KIF2A: variants seen among roughly 807,000 people sequenced by gnomAD.
KIF2A encodes the protein kinesin-like protein KIF2A.
A neutral mutation model predicts 100.2 loss-of-function variants in KIF2A; 22 were observed. That is an observed-to-expected ratio of 0.22 (90% CI 0.16 to 0.31). The LOEUF (loss-of-function observed/expected upper bound fraction) is 0.31, where lower values mean the gene tolerates loss of function less well. KIF2A is among the 10% of genes least tolerant of loss of function. KIF2A has a pLI of 1.00. For synonymous variants in KIF2A, 268 were observed against 285.9 expected, an observed-to-expected ratio of 0.94 and a Z score of 0.63; for missense variants, 495 against 898.7, an observed-to-expected ratio of 0.55 and a Z score of 5.74.
In KIF2A at chr5:62,306,348, T is replaced by C. The variant is rs1442961821; in HGVS notation, c.-125T>C. On this transcript the variant is annotated 5_prime_UTR_variant, in exon 1 of 21. Coordinates refer to ENST00000407818, the MANE Select transcript of KIF2A (RefSeq NM_001098511.3). ...CTTGCGGCCCCGCTTGCGTTCACGC[T>C]GTCGCCCGGGCCGGCGCGGCCGCGG... 14 of 756,430 alleles carry C rather than the reference T, an allele frequency of 1.9e-5. No homozygotes were observed. Among genetic ancestry groups the C allele is most frequent in the South Asian group, 5.2e-5 (3 of 58,038 alleles). 46.9% of individuals were successfully genotyped at this position (756,430 alleles called of 1,614,324 possible). A position where few individuals can be genotyped will look rare whatever the true frequency, so the allele number is the denominator to read the frequency against.
At chr5:62,382,634 G>GTT (rs35714674) in intron 20 of KIF2A, among the ~76,000 whole-genome samples, 2,158 of 134,760 alleles carry the variant, frequency 0.016, 59 homozygotes, top group African/African-American at 0.05. Flanking sequence ...CAGGTTTCAG[G>GTT]TTTTTTTTTT....
intron 3 of KIF2A, among the ~76,000 whole-genome samples, chr5:62,349,212 C>G (rs1175186012): frequency 1.3e-5 from 2 of 150,762 alleles, no homozygotes; most frequent in Non-Finnish European, 3.0e-5. Flanking sequence ...ATTAGAATTA[C>G]CTGGAATAGA....
In KIF2A at chr5:62,317,141, C is replaced by T. The variant is rs917121770; in HGVS notation, c.64+10605C>T. On this transcript the variant is annotated intron_variant, in intron 1 of 20. Transcript: ENST00000407818. Reference sequence around the variant, plus strand: ...TCGGCTCACTGCAACCTCTGCCTCCCGAGTTCAAGCAATTCTCTTGCCTCA... The same window carrying T: ...TCGGCTCACTGCAACCTCTGCCTCCTGAGTTCAAGCAATTCTCTTGCCTCA... Among the ~76,000 whole-genome samples the T allele has an allele frequency of 4.6e-5, 7 of 152,088 alleles. No homozygotes were observed. In the South Asian group the frequency reaches 6.2e-4, roughly 14 times the overall value.
intron 16 of KIF2A, among the ~76,000 whole-genome samples, chr5:62,367,255 TTTTTTTG>T (rs1741117046): frequency 6.6e-6 from 1 of 151,958 alleles, no homozygotes; most frequent in African/African-American, 2.4e-5. Context: ...TTTCTGGTGT[TTTTTTTG>T]TTTTTTGTTT....
intron 1 of KIF2A, among the ~76,000 whole-genome samples, chr5:62,315,249 C>CAAAAAAAAAAAAAAAAAAAAAAAAAA (rs765995590): frequency 1.5e-5 from 1 of 66,542 alleles, no homozygotes; most frequent in Non-Finnish European, 2.9e-5. Flanking sequence ...AAAAACAGAC[C>CAAAAAAAAAAAAAAAAAAAAAAAAAA]AAAAAAAAAA....
At chr5:62,377,999 G>GT (rs1741619211) in intron 19 of KIF2A, among the ~76,000 whole-genome samples, 1 of 152,146 alleles carries the variant, frequency 6.6e-6, no homozygotes, top group Non-Finnish European at 1.5e-5. Context: ...CCCCTTATTG[G>GT]TTTTTGTCAT....
intron 18 of KIF2A, among the ~76,000 whole-genome samples, chr5:62,375,515 T>G (rs1741499326): frequency 6.6e-6 from 1 of 152,244 alleles, no homozygotes; most frequent in Non-Finnish European, 1.5e-5. Flanking sequence ...GATTGAAATT[T>G]AGATCTTATT....
rs561291484 is a variant in KIF2A at position 62,373,875 on chromosome 5, T to A, written c.1911+38T>A. ...TGGTTGTAAATGTTATAATCTTAGT[T>A]CATTTCATCAGTAGCAGAACTTAAC... On this transcript the variant is annotated intron_variant, in intron 18 of 20. Transcript: ENST00000407818. The A allele has an allele frequency of 4.7e-6, 7 of 1,482,662 alleles. No homozygotes were observed. The African/African-American group carries it at 9.7e-5, about 21-fold the overall frequency. The allele number at this position is 1,482,662 out of a possible 1,614,324, so 91.8% of individuals were successfully genotyped here.
chr5:62,372,242 C>T (rs568926615), intron 16 of KIF2A, among the ~76,000 whole-genome samples, 196 bp from the exon 17 acceptor site: 31 of 152,222 alleles, frequency 2.0e-4, no homozygotes, highest in African/African-American at 7.5e-4. Context: ...GACTATAGAG[C>T]AGGGGATCAA....
intron 20 of KIF2A, among the ~76,000 whole-genome samples, chr5:62,383,486 G>A (rs1025092730): frequency 2.7e-5 from 4 of 147,868 alleles, no homozygotes; most frequent in African/African-American, 5.0e-5. Flanking sequence ...CTTGTGATCC[G>A]CCCATCTCGG....
chr5:62,349,258 T>A (rs997462857), intron 3 of KIF2A, among the ~76,000 whole-genome samples: 2 of 151,326 alleles, frequency 1.3e-5, no homozygotes, highest in Non-Finnish European at 3.0e-5. Flanking sequence ...ATATTTATTT[T>A]AAAAATAAGG....
chr5:62,359,595 A>T (rs1302924586), intron 9 of KIF2A, among the ~76,000 whole-genome samples: 1 of 151,972 alleles, frequency 6.6e-6, no homozygotes, highest in Non-Finnish European at 1.5e-5. Flanking sequence ...TTTCCTTTTC[A>T]TTCCCTCTTT....
intron 18 of KIF2A, among the ~76,000 whole-genome samples, chr5:62,374,842 G>A (rs370592092): frequency 1.3e-5 from 2 of 152,086 alleles, no homozygotes; most frequent in Admixed American, 6.5e-5. Context: ...GATGAAAATC[G>A]CTTGAAACTG....
chr5:62,366,431 A>C lies in KIF2A; in HGVS notation c.1596A>C (p.Pro532=). 6.3e-7 allele frequency: 1 copy of C among 1,579,996 alleles called. No homozygotes were observed. Among genetic ancestry groups the C allele is most frequent in the South Asian group, 1.1e-5 (1 of 87,146 alleles). ...TCCTGTAGATTGCCACAATCTCTCC[A>C]GGAATGGCATCCTGTGAAAATACTC... ...SRTCMIATIS[P]GMASCENTLN... The change falls in exon 16 of 21, where the codon CCA becomes CCC. Residue 532 remains proline, a synonymous_variant. Transcript: ENST00000407818.
intron 19 of KIF2A, among the ~76,000 whole-genome samples, chr5:62,378,593 T>C (rs1741643059): frequency 6.6e-6 from 1 of 152,156 alleles, no homozygotes; most frequent in South Asian, 2.1e-4. Flanking sequence ...GAGAACACTT[T>C]ATGTCAGATT....
intron 1 of KIF2A, among the ~76,000 whole-genome samples, chr5:62,345,065 G>GAGAAA (rs1279126248): frequency 6.6e-6 from 1 of 152,088 alleles, no homozygotes; most frequent in Non-Finnish European, 1.5e-5. Flanking sequence ...GGCCAACATG[G>GAGAAA]AGAAACCCTG....
At chr5:62,362,644 A>G (rs1748465425) in intron 12 of KIF2A, 103 bp downstream of exon 12, 2 of 457,118 alleles carry the variant, frequency 4.4e-6, no homozygotes, top group Non-Finnish European at 7.6e-6. Context: ...ATATATTCAC[A>G]TTGTTGTGCA....
At chr5:62,323,745 T>A (rs141686615) in intron 1 of KIF2A, among the ~76,000 whole-genome samples, 2,414 of 152,168 alleles carry the variant, frequency 0.016, 60 homozygotes, top group African/African-American at 0.054. Flanking sequence ...CATAACACTT[T>A]AAATTTTTTT....
chr5:62,306,434 C>T lies in KIF2A; in HGVS notation c.-39C>T, dbSNP rs1745274392. ...TCCCCGCCTTTTCCGCCCTCCGGTC[C>T]CCCTCCCTCGGCCCGCTGCTGCTGC... On this transcript the variant is annotated 5_prime_UTR_variant, in exon 1 of 21. Coordinates refer to ENST00000407818, the MANE Select transcript of KIF2A (RefSeq NM_001098511.3). 2 of 1,509,994 alleles carry T rather than the reference C, an allele frequency of 1.3e-6. No individual in the cohort carries two copies. The allele number at this position is 1,509,994 out of a possible 1,614,324, so 93.5% of individuals were successfully genotyped here.
Sources: allele counts gnomAD v4.1 joint callset (sites outside exome capture counted in the v4.1 genomes callset), GRCh38; gene constraint gnomAD v4.1.1; transcripts MANE v1.5; gene names NCBI Gene and HGNC (gene_info 2026-07-23, HGNC 2026-07-21).